NEDD4L: variants seen among roughly 807,000 people sequenced by gnomAD.
NEDD4L encodes the protein NEDD4 like E3 ubiquitin protein ligase.
A neutral mutation model predicts 148.9 loss-of-function variants in NEDD4L; 54 were observed. The ratio of observed to expected loss-of-function variants is 0.36; its 90% CI spans 0.29 to 0.45. NEDD4L has a LOEUF of 0.45. Among genes scored for constraint, NEDD4L ranks in the 20% least tolerant of loss-of-function variants. The pLI, the probability that NEDD4L is intolerant of heterozygous loss-of-function variation, is 1.00. For missense variants in NEDD4L, 856 were observed against 1,233.8 expected, an observed-to-expected ratio of 0.69 and a Z score of 4.59; for synonymous variants, 433 against 440.7, an observed-to-expected ratio of 0.98 and a Z score of 0.22.
intron 1 of NEDD4L, among the ~76,000 whole-genome samples, chr18:58,109,499 T>C (rs1453071312): frequency 1.3e-5 from 2 of 151,362 alleles, no homozygotes; most frequent in African/African-American, 2.4e-5. Context: ...GTGGGGGTGG[T>C]AAGTGGAGGA....
intron 2 of NEDD4L, among the ~76,000 whole-genome samples, chr18:58,234,154 T>G (rs930079374): frequency 6.6e-6 from 1 of 150,696 alleles, no homozygotes; most frequent in Non-Finnish European, 1.5e-5. Context: ...TCTCTCTTTC[T>G]TTCTTCTTTT....
chr18:58,130,647 T>G lies in NEDD4L; in HGVS notation c.49-35141T>G, dbSNP rs2031947496. On this transcript the variant is annotated intron_variant, in intron 1 of 30. Transcript: ENST00000400345. ...GTGGCGGTGTTGGGCTCTGTTGGGG[T>G]TTGGTTGACTGTGATCTAGCAGAAC... Among the ~76,000 whole-genome samples the G allele has an allele frequency of 2.9e-4, 38 of 129,044 alleles. 1 individual carries two copies. The highest frequency in any genetic ancestry group is 5.4e-4 in the African/African-American group (18 of 33,042). The allele number at this position is 129,044 out of a possible 152,430, so 84.7% of individuals were successfully genotyped here. A position where few individuals can be genotyped will look rare whatever the true frequency, so the allele number is the denominator to read the frequency against.
intron 5 of NEDD4L, among the ~76,000 whole-genome samples, chr18:58,309,448 G>T (rs942711135): frequency 2.0e-5 from 3 of 152,148 alleles, no homozygotes; most frequent in African/African-American, 7.2e-5. Context: ...GTCCTATCCT[G>T]TCCAGAGCTC....
At chr18:58,320,234 A>G (rs1400187760) in intron 6 of NEDD4L, among the ~76,000 whole-genome samples, 3 of 152,052 alleles carry the variant, frequency 2.0e-5, no homozygotes, top group Non-Finnish European at 4.4e-5. Flanking sequence ...TTGATTTCCT[A>G]TGTTTAAACT....
At chr18:58,067,308 A>G (rs1219365247) in intron 1 of NEDD4L, among the ~76,000 whole-genome samples, 6 of 152,284 alleles carry the variant, frequency 3.9e-5, no homozygotes, top group Non-Finnish European at 7.3e-5. Flanking sequence ...TTGTCAGTGT[A>G]CATACATATA....
chr18:58,044,521 G>A lies in NEDD4L; in HGVS notation c.-140G>A, dbSNP rs1442420358. On this transcript the variant is annotated 5_prime_UTR_variant, in exon 1 of 31. Transcript: ENST00000400345. ...CTCTCGGGCACCCTCACCTGCCGGC[G>A]CCCGGCCGCTTACCCGGCAGGGCGT... 7 of 1,191,636 alleles carry A rather than the reference G, an allele frequency of 5.9e-6. No individual in the cohort carries two copies. Among genetic ancestry groups the A allele is most frequent in the Non-Finnish European group, 7.5e-6 (7 of 938,676 alleles). 73.8% of individuals were successfully genotyped at this position (1,191,636 alleles called of 1,614,324 possible).
At chr18:58,283,826 C>T (rs1404859045) in intron 5 of NEDD4L, among the ~76,000 whole-genome samples, 1 of 152,228 alleles carries the variant, frequency 6.6e-6, no homozygotes, top group Admixed American at 6.5e-5. Context: ...AGGGTCTTTG[C>T]AGACCCTCTT....
At chr18:58,324,202 CA>C (rs2059105685) in intron 8 of NEDD4L, among the ~76,000 whole-genome samples, 1 of 152,126 alleles carries the variant, frequency 6.6e-6, no homozygotes, top group African/African-American at 2.4e-5. Context: ...ATCTCAAATC[CA>C]AGGAATTTTT....
At chr18:58,131,000 C>G in intron 1 of NEDD4L, among the ~76,000 whole-genome samples, 1 of 91,416 alleles carries the variant, frequency 1.1e-5, no homozygotes, top group African/African-American at 4.5e-5. Flanking sequence ...GTTTGGTTGA[C>G]TGTGATCTAG....
intron 2 of NEDD4L, among the ~76,000 whole-genome samples, chr18:58,176,003 G>A (rs547358104): frequency 5.9e-5 from 9 of 152,304 alleles, no homozygotes; most frequent in South Asian, 4.1e-4. Flanking sequence ...GTGCAATATA[G>A]CCATCGCCAC....
chr18:58,198,802 G>GT (rs2041044704), intron 2 of NEDD4L, among the ~76,000 whole-genome samples: 1 of 152,038 alleles, frequency 6.6e-6, no homozygotes, highest in African/African-American at 2.4e-5. Context: ...TGGCTTCTTT[G>GT]TTTTTTTGTT....
chr18:58,377,766 CAG>C (rs1245477550), intron 24 of NEDD4L, among the ~76,000 whole-genome samples: 2 of 116,350 alleles, frequency 1.7e-5, no homozygotes, highest in African/African-American at 3.8e-5. Flanking sequence ...TTTTTTGAGA[CAG>C]AGTCTCGCTC....
chr18:58,329,165 C>A, intron 10 of NEDD4L, 38 bp downstream of exon 10: 3 of 1,601,680 alleles, frequency 1.9e-6, no homozygotes, highest in South Asian at 1.1e-5. Context: ...CCCGGCAGCT[C>A]CTTCTTCCCA....
chr18:58,332,653 T>C (rs1241107070), intron 11 of NEDD4L, among the ~76,000 whole-genome samples: 1 of 152,022 alleles, frequency 6.6e-6, no homozygotes, highest in Non-Finnish European at 1.5e-5. Context: ...TATTAAAGAC[T>C]GATTCTTTCA....
chr18:58,298,886 A>C (rs558859195), intron 5 of NEDD4L, among the ~76,000 whole-genome samples: 1 of 152,364 alleles, frequency 6.6e-6, no homozygotes, highest in East Asian at 1.9e-4. Context: ...TAAGTGATTA[A>C]GTTGCTGGCT....
chr18:58,386,784 G>T (rs2049087186), intron 26 of NEDD4L, among the ~76,000 whole-genome samples: 1 of 152,166 alleles, frequency 6.6e-6, no homozygotes, highest in South Asian at 2.1e-4. Context: ...AGCCCGGGCA[G>T]CACACTCAGA....
In NEDD4L at chr18:58,209,227, TAC is replaced by T. The variant is rs773503821; in HGVS notation, c.123-36199_123-36198del. 2.1e-3 allele frequency among the ~76,000 whole-genome samples: 7 copies of T among 3,336 alleles called. 3 individuals are homozygous for T. Among genetic ancestry groups the T allele is most frequent in the Non-Finnish European group, 5.0e-3 (7 of 1,402 alleles). 2.2% of individuals were successfully genotyped at this position (3,336 alleles called of 152,430 possible). A position where few individuals can be genotyped will look rare whatever the true frequency, so the allele number is the denominator to read the frequency against. The stretch of plus-strand genomic sequence containing the variant: ...CCTCCTCCCTTACCTCCTCCTCCAC[TAC>T]TTCCTCCTCCTCCACTACTTCCTCC... On this transcript the variant is annotated intron_variant, in intron 2 of 30. Transcript: ENST00000400345.
Position 58,119,971 on chromosome 18 carries a change from C to G in NEDD4L, c.49-45817C>G, listed in dbSNP as rs112356197. Among the ~76,000 whole-genome samples, 26 of 152,322 alleles carry G rather than the reference C, an allele frequency of 1.7e-4. No homozygotes were observed. In the South Asian group the frequency reaches 5.4e-3, roughly 32 times the overall value. ...AATCTCCCTCTGCAGCAGATTGGCA[C>G]ACATCGCATTGTGGAGCAAGCCATC... On this transcript the variant is annotated intron_variant, in intron 1 of 30. Coordinates refer to ENST00000400345, the MANE Select transcript of NEDD4L (RefSeq NM_001144967.3).
At chr18:58,386,031 C>G (rs1221882878) in intron 26 of NEDD4L, among the ~76,000 whole-genome samples, 6 of 149,088 alleles carry the variant, frequency 4.0e-5, no homozygotes, top group Non-Finnish European at 8.9e-5. Context: ...TCACTGCTGC[C>G]TGGGCTTGAT....
Sources: gnomAD v4.1 joint callset for allele counts (sites outside exome capture counted in the v4.1 genomes callset) on GRCh38, gnomAD v4.1.1 for gene constraint, MANE v1.5 for transcripts, NCBI Gene and HGNC (gene_info 2026-07-23, HGNC 2026-07-21) for gene names.